The following GRIK2 variants were observed in gnomAD, a reference collection of about 807,000 sequenced individuals.
The protein encoded by GRIK2 is glutamate receptor ionotropic, kainate 2.
GRIK2 carries 32 observed loss-of-function variants against 100.3 expected under a neutral mutation model. That is an observed-to-expected ratio of 0.32 (90% CI 0.24 to 0.43). The LOEUF (loss-of-function observed/expected upper bound fraction) is 0.43. Among genes scored for constraint, GRIK2 ranks in the 20% least tolerant of loss-of-function variants. The pLI, the probability that GRIK2 is intolerant of heterozygous loss-of-function variation, is 1.00. For missense variants in GRIK2, 843 were observed against 1,114.9 expected (o/e 0.76, Z 3.47); for synonymous variants, 417 against 389.4 (o/e 1.07, Z -0.83).
intron 2 of GRIK2, among the ~76,000 whole-genome samples, chr6:101,528,546 G>A (rs1775265177): frequency 6.6e-6 from 1 of 151,942 alleles, no homozygotes; most frequent in Non-Finnish European, 1.5e-5. Flanking sequence ...ATGTTCCTGA[G>A]CCAAACCTGA....
intron 14 of GRIK2, among the ~76,000 whole-genome samples, chr6:101,933,012 T>G (rs7745202): frequency 0.012 from 1,878 of 152,058 alleles, 36 homozygotes; most frequent in African/African-American, 0.043. Context: ...GCCGTTCTTT[T>G]AAAGGCATGC....
intron 2 of GRIK2, among the ~76,000 whole-genome samples, chr6:101,494,710 C>G (rs575325084): frequency 2.0e-5 from 3 of 151,156 alleles, no homozygotes; most frequent in African/African-American, 7.3e-5. Flanking sequence ...GTGAGCAGAT[C>G]GCCTGAGCTC....
chr6:101,845,031 C>T (rs1432861159), intron 10 of GRIK2, among the ~76,000 whole-genome samples: 1 of 143,976 alleles, frequency 6.9e-6, no homozygotes, highest in East Asian at 2.5e-4. Flanking sequence ...TTGTTGTTGT[C>T]GTTTTGAGAC....
intron 9 of GRIK2, 69 bp downstream of exon 9, chr6:101,802,507 G>T (rs1780738913): frequency 1.7e-6 from 1 of 573,480 alleles, no homozygotes. Context: ...AATATTCTCT[G>T]TTGTAGTCAC....
chr6:102,014,818 T>C (rs974008143), intron 14 of GRIK2, among the ~76,000 whole-genome samples: 7 of 152,078 alleles, frequency 4.6e-5, no homozygotes, highest in African/African-American at 1.7e-4. Flanking sequence ...TGACAGGGGG[T>C]TCTTTTGCAT....
intron 2 of GRIK2, among the ~76,000 whole-genome samples, chr6:101,484,524 T>G (rs549836865): frequency 1.4e-5 from 2 of 141,928 alleles, no homozygotes; most frequent in East Asian, 4.2e-4. Context: ...ACATTTAAAA[T>G]GTATATATGT....
rs573028717 is a variant in GRIK2 at position 101,696,011 on chromosome 6, A to G, written c.951+9658A>G. On this transcript the variant is annotated intron_variant, in intron 7 of 16. Coordinates refer to ENST00000369134, the MANE Select transcript of GRIK2 (RefSeq NM_021956.5). ...AATAAAAAAAATCACAAGCTGCACCATCGTTAAGTAGGGGATCAATTGTGT... is the reference window on the plus strand; with the variant it reads ...AATAAAAAAAATCACAAGCTGCACCGTCGTTAAGTAGGGGATCAATTGTGT... 3.0e-3 allele frequency among the ~76,000 whole-genome samples: 449 copies of G among 152,138 alleles called. 3 individuals carry two copies. Among genetic ancestry groups the G allele is most frequent in the Non-Finnish European group, 4.6e-3 (313 of 67,952 alleles).
chr6:101,419,155 C>T (rs763826837), intron 2 of GRIK2, among the ~76,000 whole-genome samples: 11 of 152,206 alleles, frequency 7.2e-5, no homozygotes, highest in East Asian at 1.9e-4. Flanking sequence ...AACTGAGGCA[C>T]GAGCAGGTTT....
intron 7 of GRIK2, among the ~76,000 whole-genome samples, chr6:101,791,155 C>T (rs1200838333): frequency 1.3e-4 from 20 of 152,154 alleles, no homozygotes; most frequent in African/African-American, 4.6e-4. Flanking sequence ...TTTCAAAAAA[C>T]CAGCTCCTGG....
intron 14 of GRIK2, among the ~76,000 whole-genome samples, chr6:101,974,623 T>C (rs1332920860): frequency 1.3e-5 from 2 of 151,994 alleles, no homozygotes; most frequent in East Asian, 3.9e-4. Context: ...TTCTGAGAAA[T>C]CTTAGATTTT....
intron 4 of GRIK2, among the ~76,000 whole-genome samples, chr6:101,641,730 A>G (rs1055073740): frequency 6.6e-6 from 1 of 152,016 alleles, no homozygotes; most frequent in African/African-American, 2.4e-5. Context: ...AACATTGTCC[A>G]GGTCTGAGCT....
intron 2 of GRIK2, among the ~76,000 whole-genome samples, chr6:101,529,915 G>A (rs1267782238): frequency 6.6e-6 from 1 of 151,964 alleles, no homozygotes; most frequent in Non-Finnish European, 1.5e-5. Context: ...GCCTTTTGTT[G>A]TCCATCAAGG....
chr6:101,827,118 C>T (rs1257282864), intron 10 of GRIK2, among the ~76,000 whole-genome samples: 1 of 151,840 alleles, frequency 6.6e-6, no homozygotes, highest in African/African-American at 2.4e-5. Flanking sequence ...GCCAACAAGA[C>T]TTAGATTTTT....
chr6:102,066,008 T>C, intron 16 of GRIK2: 3 of 715,926 alleles, frequency 4.2e-6, no homozygotes, highest in East Asian at 6.6e-5. Flanking sequence ...AGAAATATAA[T>C]TCATGAATTG....
At chr6:101,598,874 A>G (rs1341890521) in intron 2 of GRIK2, among the ~76,000 whole-genome samples, 1 of 151,522 alleles carries the variant, frequency 6.6e-6, no homozygotes, top group Non-Finnish European at 1.5e-5. Flanking sequence ...TTAGGGCTCA[A>G]TTCACTATTT....
intron 14 of GRIK2, among the ~76,000 whole-genome samples, chr6:102,002,319 C>T (rs1398067152): frequency 3.4e-5 from 5 of 145,136 alleles, no homozygotes; most frequent in African/African-American, 1.0e-4. Flanking sequence ...TATATACATA[C>T]TATATATATT....
rs142645108 is a variant in GRIK2, at chr6:101,880,384, G to T, written c.1525-9256G>T. Among the ~76,000 whole-genome samples the T allele has an allele frequency of 9.0e-3, 1,366 of 152,004 alleles. 17 individuals carry two copies. The highest frequency in any genetic ancestry group is 0.031 in the African/African-American group (1,300 of 41,462). On this transcript the variant is annotated intron_variant, in intron 11 of 16. Transcript: ENST00000369134. ...TAAATCTTCTCCTAACCACTCCACTGATCTCTTGCTTATATAATTTATTGT... is the reference window on the plus strand; with the variant it reads ...TAAATCTTCTCCTAACCACTCCACTTATCTCTTGCTTATATAATTTATTGT...
At chr6:101,782,050 A>G (rs560220594) in intron 7 of GRIK2, among the ~76,000 whole-genome samples, 1 of 152,150 alleles carries the variant, frequency 6.6e-6, no homozygotes, top group African/African-American at 2.4e-5. Flanking sequence ...GTATGTACAT[A>G]TTTATGGAGT....
At position 101,626,484 on chromosome 6, in the gene GRIK2, A is replaced by C. The variant is rs999512221; in HGVS notation, c.388A>C (p.Ile130Leu). 9.3e-6 allele frequency: 15 copies of C among 1,613,904 alleles called. No homozygotes were observed. Among genetic ancestry groups the C allele is most frequent in the Non-Finnish European group, 9.3e-6 (11 of 1,179,956 alleles). The change falls in exon 4 of 17, where the codon ATA becomes CTA. Residue 130 changes from isoleucine (I) to leucine (L), a missense_variant. By Grantham distance (5) the Ile-to-Leu change is conservative. Transcript: ENST00000369134. The part of the protein sequence containing the change: ...SICNALGVPH[I>L]QTRWKHQVSD... ...CTGCAATGCTCTGGGAGTTCCCCAC[A>C]TACAGACCCGCTGGAAGCACCAGGT...
Sources: gnomAD v4.1 joint callset for allele counts (sites outside exome capture counted in the v4.1 genomes callset) on GRCh38, gnomAD v4.1.1 for gene constraint, MANE v1.5 for transcripts, NCBI Gene and HGNC (gene_info 2026-07-23, HGNC 2026-07-21) for gene names.